SLC2A13: variants seen among roughly 807,000 people sequenced by gnomAD.
SLC2A13 encodes proton myo-inositol cotransporter.
SLC2A13 carries 32 observed loss-of-function variants against 64.4 expected under a neutral mutation model. That is an observed-to-expected ratio of 0.50 (90% CI 0.37 to 0.67). The LOEUF (loss-of-function observed/expected upper bound fraction) is 0.67. Ranked by LOEUF, SLC2A13 falls within the 30% of genes least tolerant of loss-of-function variation. SLC2A13 has a pLI of 0.00. For missense variants in SLC2A13, 743 were observed against 829.2 expected (o/e 0.90, Z 1.28); for synonymous variants, 338 against 327.1 (o/e 1.03, Z -0.36).
At chr12:40,070,963 C>T (rs1419455167) in intron 1 of SLC2A13, among the ~76,000 whole-genome samples, 2 of 152,072 alleles carry the variant, frequency 1.3e-5, no homozygotes, top group African/African-American at 4.8e-5. Flanking sequence ...AAGACCCAAC[C>T]GGTTATATGC....
At chr12:40,075,625 G>C (rs555892344) in intron 1 of SLC2A13, among the ~76,000 whole-genome samples, 144 of 152,224 alleles carry the variant, frequency 9.5e-4, no homozygotes, top group African/African-American at 3.3e-3. Flanking sequence ...TCTTGAATCT[G>C]TAAGTTTATG....
At chr12:39,897,489 G>T (rs1035934227) in intron 4 of SLC2A13, among the ~76,000 whole-genome samples, 1 of 152,154 alleles carries the variant, frequency 6.6e-6, no homozygotes, top group South Asian at 2.1e-4. Flanking sequence ...ATTGTTATTG[G>T]ACTACAACTT....
intron 4 of SLC2A13, among the ~76,000 whole-genome samples, chr12:39,947,536 T>G (rs1946156319): frequency 6.6e-6 from 1 of 152,172 alleles, no homozygotes; most frequent in African/African-American, 2.4e-5. Flanking sequence ...ATTTAGGTTG[T>G]GGTAATGATA....
Position 39,940,794 on chromosome 12 carries a change from G to C in SLC2A13, c.1034+10463C>G, listed in dbSNP as rs571947003. ...TAACTTCTTTAGTGGTGATTTGTGA[G>C]ATTTTGGTGCACCCATCACCCAAGC... On this transcript the variant is annotated intron_variant, in intron 4 of 9. Transcript: ENST00000280871. Among the ~76,000 whole-genome samples, 10 of 152,098 alleles carry C rather than the reference G, an allele frequency of 6.6e-5. No homozygotes were observed. In the South Asian group the frequency reaches 2.1e-3, roughly 32 times the overall value.
chr12:39,891,151 G>A (rs781498820), intron 4 of SLC2A13, among the ~76,000 whole-genome samples: 7 of 149,216 alleles, frequency 4.7e-5, no homozygotes, highest in Non-Finnish European at 4.4e-5. Flanking sequence ...TTTTGAGGAT[G>A]CATCTAGGAT....
At chr12:39,992,662 TTGG>T (rs1345322542) in intron 3 of SLC2A13, among the ~76,000 whole-genome samples, 10 of 152,082 alleles carry the variant, frequency 6.6e-5, no homozygotes, top group African/African-American at 2.2e-4. Context: ...CTCAACAAGC[TTGG>T]AGTACTCATA....
intron 3 of SLC2A13, among the ~76,000 whole-genome samples, chr12:39,995,500 A>G (rs1398755277): frequency 6.6e-6 from 1 of 152,258 alleles, no homozygotes; most frequent in African/African-American, 2.4e-5. Flanking sequence ...GAACATGTGC[A>G]TGTCACTTAA....
At chr12:39,925,823 G>C (rs1004434390) in intron 4 of SLC2A13, among the ~76,000 whole-genome samples, 13 of 152,072 alleles carry the variant, frequency 8.5e-5, no homozygotes, top group African/African-American at 3.1e-4. Context: ...ATAATTTTCA[G>C]CAAATCCAAT....
At chr12:39,776,149 T>C (rs1198057293) in intron 7 of SLC2A13, among the ~76,000 whole-genome samples, 3 of 152,222 alleles carry the variant, frequency 2.0e-5, no homozygotes, top group Non-Finnish European at 4.4e-5. Flanking sequence ...GGCATTACAG[T>C]TATTAGCCCT....
At chr12:39,993,446 T>C (rs1430847929) in intron 3 of SLC2A13, among the ~76,000 whole-genome samples, 1 of 152,242 alleles carries the variant, frequency 6.6e-6, no homozygotes, top group Non-Finnish European at 1.5e-5. Context: ...AGCAAATCCC[T>C]GATGGCTTTA....
In SLC2A13 at chr12:40,105,651, C is replaced by T; in HGVS notation, c.158G>A (p.Ser53Asn). 1 of 1,485,928 alleles carries T rather than the reference C, an allele frequency of 6.7e-7. No homozygotes were observed. Among genetic ancestry groups the T allele is most frequent in the Non-Finnish European group, 8.9e-7 (1 of 1,121,658 alleles). The allele number at this position is 1,485,928 out of a possible 1,614,324, so 92.0% of individuals were successfully genotyped here. A position where few individuals can be genotyped will look rare whatever the true frequency, so the allele number is the denominator to read the frequency against. Residue 53 changes from serine (S) to asparagine (N), a missense_variant, in exon 1 of 10, where the codon AGC (serine) becomes AAC (asparagine). Around this residue, in one of 2 missense-constraint regions of SLC2A13, gnomAD observed 448 missense variants for 447.4 expected, o/e 1.00. Coordinates refer to ENST00000280871, the MANE Select transcript of SLC2A13 (RefSeq NM_052885.4). This position sits in a 1 kb window ranked among gnomAD's most constrained non-coding sequence, Gnocchi z 4.2. The part of the protein sequence containing the change: ...AAAESSTSLQ[S>N]AGAGGGGVGD... ...GACGCCGCCGCCGCCCGCGCCCGCG[C>T]TCTGCAGGCTGGTGCTCGATTCGGC...
At chr12:39,964,754 C>T (rs771688802) in intron 3 of SLC2A13, among the ~76,000 whole-genome samples, 5 of 151,802 alleles carry the variant, frequency 3.3e-5, no homozygotes, top group African/African-American at 7.3e-5. Flanking sequence ...CCCATCATAT[C>T]CTATGTCATA....
intron 4 of SLC2A13, among the ~76,000 whole-genome samples, chr12:39,886,538 C>A (rs570061973): frequency 3.3e-5 from 5 of 151,648 alleles, no homozygotes; most frequent in Admixed American, 3.3e-4. Flanking sequence ...CAGATCCCAC[C>A]GAGAAGTATT....
intron 6 of SLC2A13, chr12:39,835,681 C>A (rs1232657554): frequency 3.3e-5 from 5 of 152,032 alleles, no homozygotes; most frequent in African/African-American, 9.7e-5. Context: ...CCATGCTTAC[C>A]AACTCTGTAT....
At chr12:39,942,911 G>A (rs979672416) in intron 4 of SLC2A13, among the ~76,000 whole-genome samples, 3 of 152,046 alleles carry the variant, frequency 2.0e-5, no homozygotes, top group Admixed American at 6.5e-5. Context: ...TCTGGTCTTT[G>A]ATGTTGGTGA....
At chr12:39,763,083 G>C (rs755276223) in intron 9 of SLC2A13, among the ~76,000 whole-genome samples, 2 of 151,948 alleles carry the variant, frequency 1.3e-5, no homozygotes, top group African/African-American at 2.4e-5. Flanking sequence ...GTGTTCTCTA[G>C]AATCAGTAAA....
chr12:39,927,318 T>A (rs888482184), intron 4 of SLC2A13, among the ~76,000 whole-genome samples: 5 of 152,174 alleles, frequency 3.3e-5, no homozygotes, highest in Admixed American at 2.6e-4. Flanking sequence ...GAATTTAAAA[T>A]TTTCTAGGTA....
chr12:39,972,973 A>C (rs1490509340), intron 3 of SLC2A13, among the ~76,000 whole-genome samples: 2 of 152,188 alleles, frequency 1.3e-5, no homozygotes, highest in Non-Finnish European at 2.9e-5. Flanking sequence ...AGGCTGAGGC[A>C]GGAGAATTGC....
intron 7 of SLC2A13, among the ~76,000 whole-genome samples, chr12:39,782,798 C>T (rs534563611): frequency 1.3e-5 from 2 of 152,218 alleles, no homozygotes; most frequent in South Asian, 4.2e-4. Context: ...CAATAAGGTC[C>T]AGGCTGAGGT....
Sources: allele counts gnomAD v4.1 joint callset (sites outside exome capture counted in the v4.1 genomes callset), GRCh38; gene constraint gnomAD v4.1.1; regional missense constraint gnomAD v4.1.1; non-coding constraint Gnocchi (gnomAD v3.1); transcripts MANE v1.5; gene names NCBI Gene and HGNC (gene_info 2026-07-23, HGNC 2026-07-21).